The following GTF3C1 variants were observed in gnomAD, a reference collection of about 807,000 sequenced individuals.
GTF3C1 encodes the protein general transcription factor 3C polypeptide 1.
A neutral mutation model predicts 226.7 loss-of-function variants in GTF3C1; 57 were observed. The observed-to-expected ratio is 0.25, with a 90% CI of 0.20 to 0.31. GTF3C1 has a LOEUF of 0.31. Ranked by LOEUF, GTF3C1 falls within the 10% of genes least tolerant of loss-of-function variation. The pLI, the probability that GTF3C1 is intolerant of heterozygous loss-of-function variation, is 1.00. For missense variants in GTF3C1, 2,217 were observed against 2,776.1 expected (o/e 0.80, Z 4.53); for synonymous variants, 1,090 against 1,084.8 (o/e 1.00, Z -0.09).
At chr16:27,480,326 G>C (rs942670626) in intron 27 of GTF3C1, among the ~76,000 whole-genome samples, 1 of 152,094 alleles carries the variant, frequency 6.6e-6, no homozygotes, top group Non-Finnish European at 1.5e-5. Context: ...GAATTCTGGG[G>C]AACAGTCTAC....
chr16:27,549,631 G>GC, intron 1 of GTF3C1, 39 bp downstream of exon 1: 65 of 691,902 alleles, frequency 9.4e-5, no homozygotes, highest in Non-Finnish European at 1.2e-4. Context: ...CGGGCCCTGC[G>GC]CCCGCCCGCC....
chr16:27,543,693 C>T (rs2089122340), intron 2 of GTF3C1, among the ~76,000 whole-genome samples: 1 of 152,120 alleles, frequency 6.6e-6, no homozygotes, highest in African/African-American at 2.4e-5. Context: ...CACCAGCCAA[C>T]ATTTAAGTGG....
At chr16:27,548,358 C>G (rs1197231292) in intron 1 of GTF3C1, among the ~76,000 whole-genome samples, 2 of 152,182 alleles carry the variant, frequency 1.3e-5, no homozygotes, top group Admixed American at 1.3e-4. Context: ...ACCTCTGTCT[C>G]CCAGGTTCAA....
intron 5 of GTF3C1, among the ~76,000 whole-genome samples, chr16:27,530,141 CA>C (rs1178771140): frequency 6.6e-6 from 1 of 152,286 alleles, no homozygotes; most frequent in Non-Finnish European, 1.5e-5. Context: ...AGACAGGGAG[CA>C]AATGTCTGTG....
At chr16:27,517,852 T>C (rs939926931) in intron 6 of GTF3C1, among the ~76,000 whole-genome samples, 1 of 152,220 alleles carries the variant, frequency 6.6e-6, no homozygotes, top group Non-Finnish European at 1.5e-5. Flanking sequence ...AGTGGTCATG[T>C]GATCTAACCG....
intron 5 of GTF3C1, among the ~76,000 whole-genome samples, chr16:27,531,716 C>G (rs2088919813): frequency 6.6e-6 from 1 of 152,246 alleles, no homozygotes. Context: ...TGAAACCAGA[C>G]TAGCCCTGTC....
rs372969766 is a variant in GTF3C1 at position 27,489,763 on chromosome 16, G to C, written c.3152-20C>G. ...CCACGCCTGGAAAACCAAACATCAG[G>C]GTGACCAATCACGCCTTCCTGCTGC... On this transcript the variant is annotated intron_variant, in intron 19 of 36. Transcript: ENST00000356183. The C allele has an allele frequency of 1.6e-5, 25 of 1,606,014 alleles. No homozygotes were observed. In the African/African-American group the frequency reaches 3.1e-4, roughly 20 times the overall value.
At chr16:27,502,732 T>C (rs2088424854) in intron 11 of GTF3C1, 127 bp downstream of exon 11, 2 of 962,864 alleles carry the variant, frequency 2.1e-6, no homozygotes, top group Non-Finnish European at 3.1e-6. Flanking sequence ...AGGAACGAGA[T>C]GAGAATCTAC....
chr16:27,531,135 CT>C (rs1290212993), intron 5 of GTF3C1, among the ~76,000 whole-genome samples: 1 of 152,158 alleles, frequency 6.6e-6, no homozygotes, highest in Non-Finnish European at 1.5e-5. Flanking sequence ...ACCACCACCC[CT>C]GGCTAATAAC....
intron 32 of GTF3C1, among the ~76,000 whole-genome samples, chr16:27,468,255 T>C (rs896411474): frequency 6.6e-6 from 1 of 152,214 alleles, no homozygotes; most frequent in Non-Finnish European, 1.5e-5. Flanking sequence ...CTTGAGTTTC[T>C]TGACATAGAA....
intron 22 of GTF3C1, 52 bp from the exon 23 acceptor site, chr16:27,488,467 AG>A (rs759910449): frequency 1.3e-6 from 2 of 1,558,564 alleles, no homozygotes; most frequent in South Asian, 2.2e-5. Context: ...TGCAAAGGCC[AG>A]GAAGACCAAA....
chr16:27,539,328 A>G (rs1157090945), intron 2 of GTF3C1, among the ~76,000 whole-genome samples: 1 of 152,130 alleles, frequency 6.6e-6, no homozygotes, highest in Admixed American at 6.5e-5. Context: ...AGAATGCACC[A>G]AAAGAGGCCA....
At chr16:27,480,871 G>C (rs1313275905) in intron 27 of GTF3C1, 4 of 541,596 alleles carry the variant, frequency 7.4e-6, no homozygotes, top group Non-Finnish European at 1.3e-5. Flanking sequence ...AGGACCAATG[G>C]GAGAATGAAC....
chr16:27,503,116 G>A (rs1042758349), intron 10 of GTF3C1, 121 bp from the exon 11 acceptor site: 4 of 655,252 alleles, frequency 6.1e-6, no homozygotes, highest in Non-Finnish European at 1.1e-5. Flanking sequence ...TTCAAGAAGG[G>A]AAGCCAAGAA....
At chr16:27,510,138 C>A (rs576193354) in intron 7 of GTF3C1, among the ~76,000 whole-genome samples, 1 of 152,272 alleles carries the variant, frequency 6.6e-6, no homozygotes, top group South Asian at 2.1e-4. Context: ...GTAATCCCAG[C>A]ACTTTAGGAG....
At chr16:27,466,311 T>G (rs943988347) in intron 32 of GTF3C1, 5 of 152,268 alleles carry the variant, frequency 3.3e-5, no homozygotes, top group African/African-American at 1.2e-4. Context: ...ATTTCAACTT[T>G]TTCATGATTA....
intron 23 of GTF3C1, among the ~76,000 whole-genome samples, chr16:27,486,385 C>T (rs2088138544): frequency 6.6e-6 from 1 of 152,156 alleles, no homozygotes; most frequent in Non-Finnish European, 1.5e-5. Flanking sequence ...TCAAATTTCA[C>T]AGCAACAGGT....
At chr16:27,464,046 C>G (rs1247516832) in intron 34 of GTF3C1, 7 of 446,600 alleles carry the variant, frequency 1.6e-5, no homozygotes, top group Non-Finnish European at 2.3e-5. Flanking sequence ...CCCACAGCAG[C>G]CGCTGCAGTG....
intron 6 of GTF3C1, among the ~76,000 whole-genome samples, chr16:27,521,432 T>G (rs567573971): frequency 6.6e-6 from 1 of 152,364 alleles, no homozygotes; most frequent in South Asian, 2.1e-4. Context: ...CTGTCCCCAG[T>G]GTGCTCTTCT....
Sources: gnomAD v4.1 joint callset for allele counts (sites outside exome capture counted in the v4.1 genomes callset) on GRCh38, gnomAD v4.1.1 for gene constraint, MANE v1.5 for transcripts, NCBI Gene and HGNC (gene_info 2026-07-23, HGNC 2026-07-21) for gene names.